Variants in AGAP1 observed in about 807,000 individuals in gnomAD.
AGAP1 encodes arf-GAP with GTPase, ANK repeat and PH domain-containing protein 1.
AGAP1 carries 29 observed loss-of-function variants against 105.3 expected under a neutral mutation model. The observed-to-expected ratio is 0.28, with a 90% confidence interval of 0.21 to 0.38. The LOEUF is 0.38. Among genes scored for constraint, AGAP1 ranks in the 10% least tolerant of loss-of-function variants. AGAP1 has a pLI of 1.00. For missense variants in AGAP1, 998 were observed against 1,165.1 expected (o/e 0.86, Z 2.09); for synonymous variants, 509 against 485.9 (o/e 1.05, Z -0.63).
chr2:235,825,923 GTGCTGCTTTCACAT>G (rs888535650), intron 9 of AGAP1, among the ~76,000 whole-genome samples: 1 of 152,050 alleles, frequency 6.6e-6, no homozygotes, highest in Admixed American at 6.6e-5. Flanking sequence ...TCTCCACAGT[GTGCTGCTTTCACAT>G]TGCATGCCTG....
rs576822383 is a variant in AGAP1 at position 236,045,803 on chromosome 2, G to A, written c.1892-3256G>A. 44 of 385,062 alleles carry A rather than the reference G, an allele frequency of 1.1e-4. No homozygotes were observed. Among genetic ancestry groups the A allele is most frequent in the Non-Finnish European group, 6.7e-5 (12 of 179,120 alleles). The allele number at this position is 385,062 out of a possible 1,614,324, so 23.9% of individuals were successfully genotyped here. ...TGATGCTTAGATACCAACCCTTGCC[G>A]ATGAGTCATTCTCTGCTGGAGCGGA... On this transcript the variant is annotated intron_variant, in intron 15 of 17. Coordinates refer to ENST00000304032, the MANE Select transcript of AGAP1 (RefSeq NM_001037131.3). The surrounding 1 kb of genome is among the most constrained non-coding windows in gnomAD (Gnocchi z 6.9).
At chr2:235,595,457 G>A (rs1051669916) in intron 1 of AGAP1, among the ~76,000 whole-genome samples, 1 of 152,194 alleles carries the variant, frequency 6.6e-6, no homozygotes, top group South Asian at 2.1e-4. Flanking sequence ...CTGCCTTAAT[G>A]TGCCTGCTCC....
Position 235,793,199 on chromosome 2 carries a change from G to A in AGAP1, c.674-4560G>A, listed in dbSNP as rs921239686. 1.6e-4 allele frequency among the ~76,000 whole-genome samples: 25 copies of A among 152,166 alleles called. No homozygotes were observed. The highest frequency in any genetic ancestry group is 5.8e-4 in the African/African-American group (24 of 41,458). On this transcript the variant is annotated intron_variant, in intron 6 of 17. Transcript: ENST00000304032. This position sits in a 1 kb window ranked among gnomAD's most constrained non-coding sequence, Gnocchi z 5.3. ...CAATGGCAGGCCCAGCCTAGGGATT[G>A]CAGAGAGCAGGAGAGGCAGAGTCGA...
In AGAP1 at chr2:235,898,620, A is replaced by G. The variant is rs114709485; in HGVS notation, c.1156-10118A>G. Among the ~76,000 whole-genome samples, 938 of 152,270 alleles carry G rather than the reference A, an allele frequency of 6.2e-3. 10 individuals carry two copies. Among genetic ancestry groups the G allele is most frequent in the African/African-American group, 0.021 (893 of 41,552 alleles). On this transcript the variant is annotated intron_variant, in intron 10 of 17. Coordinates refer to ENST00000304032, the MANE Select transcript of AGAP1 (RefSeq NM_001037131.3). Reference sequence around the variant, plus strand: ...ATTGCCACATAAAGTCAAAGGGAAAATAGTTCAGTATTTTTATTGGACAAG... The same window carrying G: ...ATTGCCACATAAAGTCAAAGGGAAAGTAGTTCAGTATTTTTATTGGACAAG...
chr2:235,707,954 C>T (rs570711386), intron 1 of AGAP1, among the ~76,000 whole-genome samples: 18 of 151,300 alleles, frequency 1.2e-4, no homozygotes, highest in African/African-American at 3.4e-4. Context: ...CCTGGTGGGA[C>T]GTGCTCCCCA....
At chr2:236,079,317 G>A (rs1391156053) in intron 16 of AGAP1, among the ~76,000 whole-genome samples, 3 of 148,880 alleles carry the variant, frequency 2.0e-5, no homozygotes, top group Non-Finnish European at 4.4e-5. Context: ...CCAGGAGTTC[G>A]AGACCAGCCT....
In AGAP1 at chr2:235,654,248, C is replaced by T. The variant is rs1042258295; in HGVS notation, c.164-54931C>T. On this transcript the variant is annotated intron_variant, in intron 1 of 17. Transcript: ENST00000304032. ...ATATATAACTGTGTGCTTAGTGTAG[C>T]GTGGGTGTTTGTGTTTTATCGCCTG... is the stretch of plus-strand genomic sequence containing the variant. 1.4e-4 allele frequency among the ~76,000 whole-genome samples: 21 copies of T among 152,224 alleles called. No homozygotes were observed. In the East Asian group the frequency reaches 3.5e-3, roughly 25 times the overall value.
rs138760752 is a variant in AGAP1, at chr2:236,036,697, C to T, written c.1782C>T (p.Cys594=). Residue 594 remains cysteine (C), a synonymous_variant, in exon 14 of 18, where the codon TGC becomes TGT. Coordinates refer to ENST00000304032, the MANE Select transcript of AGAP1 (RefSeq NM_001037131.3). The surrounding 1 kb of genome is among the most constrained non-coding windows in gnomAD (Gnocchi z 5.7). ...AGATCCTGGCCAGCCTGCAGTCGTG[C>T]GAGAGCAGCAAGAACAAGGTGAGGC... ...ESQILASLQS[C]ESSKNKSRLT... is the part of the protein sequence containing the mutation. 1.1e-4 allele frequency: 180 copies of T among 1,614,044 alleles called. No homozygotes were observed. Among genetic ancestry groups the T allele is most frequent in the Non-Finnish European group, 1.4e-4 (165 of 1,180,038 alleles).
chr2:235,684,705 C>G (rs1313160247), intron 1 of AGAP1, among the ~76,000 whole-genome samples: 2 of 152,138 alleles, frequency 1.3e-5, no homozygotes, highest in African/African-American at 4.8e-5. Context: ...CAGCCCCTTT[C>G]TTGTATGAGG....
Position 235,953,900 on chromosome 2 carries a change from G to A in AGAP1, c.1484-14562G>A, listed in dbSNP as rs2053842795. ...GATCATGCCACTGCACTCCAGCCTG[G>A]TGAGGGTGAGACATTGTCTGAAAAA... On this transcript the variant is annotated intron_variant, in intron 12 of 17. Transcript: ENST00000304032. This position sits in a 1 kb window ranked among gnomAD's most constrained non-coding sequence, Gnocchi z 5.2. 6.6e-6 allele frequency among the ~76,000 whole-genome samples: 1 copy of A among 151,840 alleles called. No individual in the cohort carries two copies. Among genetic ancestry groups the A allele is most frequent in the South Asian group, 2.1e-4 (1 of 4,806 alleles).
At chr2:235,651,838 C>T (rs182204519) in intron 1 of AGAP1, among the ~76,000 whole-genome samples, 18 of 152,228 alleles carry the variant, frequency 1.2e-4, no homozygotes, top group East Asian at 3.9e-4. Flanking sequence ...TATTTATACT[C>T]GTATCTTGTT....
intron 15 of AGAP1, among the ~76,000 whole-genome samples, chr2:236,048,517 C>T (rs1275593788): frequency 6.6e-6 from 1 of 152,238 alleles, no homozygotes; most frequent in African/African-American, 2.4e-5. Flanking sequence ...AACGATATTT[C>T]TTCACTGTAG....
chr2:235,681,374 A>G (rs1285845985), intron 1 of AGAP1, among the ~76,000 whole-genome samples: 3 of 152,162 alleles, frequency 2.0e-5, no homozygotes, highest in Non-Finnish European at 4.4e-5. Flanking sequence ...AGCATGCACT[A>G]GAGCGTGACT....
Position 235,752,365 on chromosome 2 carries a change from A to G in AGAP1, c.673+1877A>G, listed in dbSNP as rs1382805473. Among the ~76,000 whole-genome samples, 1 of 152,074 alleles carries G rather than the reference A, an allele frequency of 6.6e-6. No individual in the cohort carries two copies. Among genetic ancestry groups the G allele is most frequent in the African/African-American group, 2.4e-5 (1 of 41,390 alleles). On this transcript the variant is annotated intron_variant, in intron 6 of 17. Coordinates refer to ENST00000304032, the MANE Select transcript of AGAP1 (RefSeq NM_001037131.3). This position sits in a 1 kb window ranked among gnomAD's most constrained non-coding sequence, Gnocchi z 4.3. ...GCTAATTTTTTGCATTTTAGTAGAGATGGGATTTTCACCATGTTGCCCAAG... is the reference window on the plus strand; with the variant it reads ...GCTAATTTTTTGCATTTTAGTAGAGGTGGGATTTTCACCATGTTGCCCAAG...
At chr2:235,822,421 G>C (rs1315258046) in intron 9 of AGAP1, among the ~76,000 whole-genome samples, 1 of 151,548 alleles carries the variant, frequency 6.6e-6, no homozygotes, top group Admixed American at 6.6e-5. Context: ...CCAGGGGTGA[G>C]GGGGAGATGG....
intron 1 of AGAP1, among the ~76,000 whole-genome samples, chr2:235,526,358 G>T (rs1414961861): frequency 6.6e-6 from 1 of 152,228 alleles, no homozygotes; most frequent in African/African-American, 2.4e-5. Flanking sequence ...TCTTGGTCCT[G>T]TGGCCTTCCA....
chr2:235,852,678 C>T (rs1325781267), intron 9 of AGAP1: 2 of 1,446,206 alleles, frequency 1.4e-6, no homozygotes, highest in African/African-American at 1.4e-5. Flanking sequence ...TCTCCTTTCT[C>T]TCCCCAGGGC....
chr2:235,615,719 C>T lies in AGAP1; in HGVS notation c.164-93460C>T, dbSNP rs550968051. Among the ~76,000 whole-genome samples, 22 of 152,238 alleles carry T rather than the reference C, an allele frequency of 1.4e-4. 1 individual carries two copies. In the South Asian group the frequency reaches 4.4e-3, roughly 30 times the overall value. ...TTTTCTCTTTATGCTCATAGCCATT[C>T]CAAAGACAGAATCCTTTCCTCAAAA... On this transcript the variant is annotated intron_variant, in intron 1 of 17. Transcript: ENST00000304032. The surrounding 1 kb of genome is among the most constrained non-coding windows in gnomAD (Gnocchi z 5.0).
In AGAP1 at chr2:235,989,960, C is replaced by A. The variant is rs752944705; in HGVS notation, c.1645+21337C>A. On this transcript the variant is annotated intron_variant, in intron 13 of 17. Coordinates refer to ENST00000304032, the MANE Select transcript of AGAP1 (RefSeq NM_001037131.3). The surrounding 1 kb of genome is among the most constrained non-coding windows in gnomAD (Gnocchi z 4.4). ...TCAAATGCGTAGCCGGGGTTGGGAA[C>A]CAGTGGTTTAGGTTAAGATCAGCTA... is the stretch of plus-strand genomic sequence containing the variant. Among the ~76,000 whole-genome samples the A allele has an allele frequency of 6.6e-6, 1 of 152,006 alleles. No homozygotes were observed. The highest frequency in any genetic ancestry group is 1.5e-5 in the Non-Finnish European group (1 of 67,990).
Sources: gnomAD v4.1 joint callset for allele counts (sites outside exome capture counted in the v4.1 genomes callset) on GRCh38, gnomAD v4.1.1 for gene constraint, Gnocchi (gnomAD v3.1) non-coding constraint, MANE v1.5 for transcripts, NCBI Gene and HGNC (gene_info 2026-07-23, HGNC 2026-07-21) for gene names.